The following NTM variants were observed in gnomAD, a reference collection of about 807,000 sequenced individuals.
NTM encodes neurotrimin.
In NTM, 13 loss-of-function variants were observed where a neutral mutation model predicts 42.1. That is an observed-to-expected ratio of 0.31 (90% CI 0.20 to 0.49). The LOEUF (loss-of-function observed/expected upper bound fraction) is 0.49. Among genes scored for constraint, NTM ranks in the 20% least tolerant of loss-of-function variants. The pLI, the probability that NTM is intolerant of heterozygous loss-of-function variation, is 0.99. For synonymous variants in NTM, 187 were observed against 179.2 expected, an observed-to-expected ratio of 1.04 and a Z score of -0.35; for missense variants, 373 against 452.8, an observed-to-expected ratio of 0.82 and a Z score of 1.60.
intron 1 of NTM, among the ~76,000 whole-genome samples, chr11:131,563,060 T>G (rs1397256834): frequency 2.0e-5 from 3 of 152,182 alleles, no homozygotes; most frequent in Admixed American, 1.3e-4. Flanking sequence ...AGAGTGACCT[T>G]GGGCAAATCA....
At chr11:131,461,170 A>G (rs10894400) in intron 1 of NTM, among the ~76,000 whole-genome samples, 11,163 of 152,278 alleles carry the variant, frequency 0.073, 981 homozygotes, top group East Asian at 0.21. Context: ...ATCTACGGGT[A>G]TGCCTGTGGG....
intron 4 of NTM, among the ~76,000 whole-genome samples, chr11:132,235,993 GACACACACAC>G (rs367555812): frequency 9.9e-6 from 1 of 101,200 alleles, no homozygotes. Flanking sequence ...CACACACACA[GACACACACAC>G]ACACACACAC....
At chr11:131,618,661 T>C (rs1446119685) in intron 1 of NTM, among the ~76,000 whole-genome samples, 1 of 152,188 alleles carries the variant, frequency 6.6e-6, no homozygotes, top group Non-Finnish European at 1.5e-5. Context: ...AAGATGGAAA[T>C]TGAGCTTAAA....
At chr11:131,967,226 C>T (rs974423121) in intron 2 of NTM, among the ~76,000 whole-genome samples, 1 of 152,148 alleles carries the variant, frequency 6.6e-6, no homozygotes, top group African/African-American at 2.4e-5. Context: ...CATCAGCACA[C>T]ACATGGTATT....
intron 4 of NTM, among the ~76,000 whole-genome samples, chr11:132,222,407 T>G (rs1359890061): frequency 6.6e-6 from 1 of 152,230 alleles, no homozygotes; most frequent in Non-Finnish European, 1.5e-5. Context: ...CCTTAACAGC[T>G]TTAGACATGA....
intron 1 of NTM, among the ~76,000 whole-genome samples, chr11:131,590,807 C>T (rs1029963086): frequency 2.6e-5 from 4 of 152,094 alleles, no homozygotes; most frequent in African/African-American, 9.7e-5. Flanking sequence ...TATAAATGGC[C>T]GATGTAAGGT....
chr11:131,799,877 A>G (rs2091955645), intron 1 of NTM, among the ~76,000 whole-genome samples: 1 of 152,190 alleles, frequency 6.6e-6, no homozygotes, highest in Non-Finnish European at 1.5e-5. Context: ...TGTCAGGATG[A>G]TTTTAGTTTG....
intron 1 of NTM, among the ~76,000 whole-genome samples, chr11:131,462,230 CGG>C (rs1285665094): frequency 6.6e-6 from 1 of 152,116 alleles, no homozygotes; most frequent in Non-Finnish European, 1.5e-5. Context: ...GAAAACAGAT[CGG>C]GTCTGGGGTT....
chr11:131,480,310 A>G (rs568985192), intron 1 of NTM, among the ~76,000 whole-genome samples: 1 of 152,262 alleles, frequency 6.6e-6, no homozygotes, highest in South Asian at 2.1e-4. Flanking sequence ...CCACTGAAGG[A>G]CAACTCTGTC....
chr11:132,186,647 A>AT (rs1404562946), intron 3 of NTM, among the ~76,000 whole-genome samples: 4 of 151,972 alleles, frequency 2.6e-5, no homozygotes, highest in South Asian at 2.1e-4. Context: ...CATTCCTCCT[A>AT]TTTTTTTTCT....
At chr11:131,819,810 T>C (rs2093105868) in intron 1 of NTM, among the ~76,000 whole-genome samples, 1 of 152,180 alleles carries the variant, frequency 6.6e-6, no homozygotes, top group African/African-American at 2.4e-5. Flanking sequence ...TTAATTAGAA[T>C]TTTCCTGTGT....
chr11:132,332,083 C>T lies in NTM; in HGVS notation c.967+1898C>T, dbSNP rs73601226. Among the ~76,000 whole-genome samples the T allele has an allele frequency of 7.1e-3, 1,081 of 152,224 alleles. 11 individuals carry two copies. The highest frequency in any genetic ancestry group is 0.025 in the African/African-American group (1,033 of 41,520). ...GGGGTAGAAACATCACCTTGGAATT[C>T]GCATAAAGAATAAATTCCAGGGGTC... On this transcript the variant is annotated intron_variant, in intron 8 of 8. Coordinates refer to ENST00000683400, the MANE Select transcript of NTM (RefSeq NM_001352005.2).
chr11:132,040,688 C>T (rs2077065717), intron 2 of NTM, among the ~76,000 whole-genome samples: 1 of 152,230 alleles, frequency 6.6e-6, no homozygotes, highest in Non-Finnish European at 1.5e-5. Flanking sequence ...TATTATAACA[C>T]TTATAGCCAT....
intron 1 of NTM, among the ~76,000 whole-genome samples, chr11:131,438,634 G>A (rs957462380): frequency 3.9e-5 from 6 of 152,096 alleles, no homozygotes; most frequent in Admixed American, 1.3e-4. Context: ...AGCTCCGTTG[G>A]GTCATTTAAG....
intron 1 of NTM, among the ~76,000 whole-genome samples, chr11:131,659,960 G>A (rs1022486500): frequency 1.5e-4 from 23 of 152,220 alleles, no homozygotes; most frequent in Admixed American, 1.2e-3. Context: ...GGACCCTGAA[G>A]CCAATTTTCC....
In NTM at chr11:131,502,014, G is replaced by A. The variant is rs76360640; in HGVS notation, c.82+131126G>A. On this transcript the variant is annotated intron_variant, in intron 1 of 8. Coordinates refer to ENST00000683400, the MANE Select transcript of NTM (RefSeq NM_001352005.2). ...AGAGGTGACTGGGTCTATGAGTTTG[G>A]AGTTCAAGGGAATGGTGAGGCTGGA... Among the ~76,000 whole-genome samples the A allele has an allele frequency of 1.0e-2, 1,515 of 152,202 alleles. 44 individuals are homozygous for A. In the East Asian group the frequency reaches 0.11, roughly 11 times the overall value.
intron 4 of NTM, among the ~76,000 whole-genome samples, chr11:132,241,460 A>G (rs1008689455): frequency 1.3e-5 from 2 of 152,188 alleles, no homozygotes; most frequent in Admixed American, 6.5e-5. Context: ...CATCCCCCCC[A>G]GCAATACAAT....
intron 1 of NTM, among the ~76,000 whole-genome samples, chr11:131,463,003 A>G: frequency 6.6e-6 from 1 of 150,448 alleles, no homozygotes; most frequent in East Asian, 2.0e-4. Context: ...GAAGATTCAA[A>G]TACAACCTCT....
At chr11:131,940,870 C>T (rs888188429) in intron 2 of NTM, among the ~76,000 whole-genome samples, 1 of 152,158 alleles carries the variant, frequency 6.6e-6, no homozygotes, top group African/African-American at 2.4e-5. Flanking sequence ...ATGGATTAAC[C>T]TTGCTTTGAC....
Sources: gnomAD v4.1 joint callset for allele counts (sites outside exome capture counted in the v4.1 genomes callset) on GRCh38, gnomAD v4.1.1 for gene constraint, MANE v1.5 for transcripts, NCBI Gene and HGNC (gene_info 2026-07-23, HGNC 2026-07-21) for gene names.